MALRD1: variants seen among roughly 807,000 people sequenced by gnomAD.
The protein encoded by MALRD1 is MAM and LDL-receptor class A domain-containing protein 1.
A neutral mutation model predicts 242.1 loss-of-function variants in MALRD1; 247 were observed. The ratio of observed to expected loss-of-function variants is 1.02; its 90% CI spans 0.92 to 1.13. The LOEUF is 1.13. Among genes scored for constraint, MALRD1 ranks in the 50% most tolerant of loss-of-function variants. MALRD1 has a pLI of 0.00. For missense variants in MALRD1, 2,989 were observed against 2,533.1 expected (o/e 1.18, Z -3.86); for synonymous variants, 995 against 866.6 (o/e 1.15, Z -2.60).
At chr10:19,055,080 GATAAAAGCCATTCTAACAGATATGAGATT>G (rs1327471449) in intron 1 of MALRD1, among the ~76,000 whole-genome samples, 3 of 151,958 alleles carry the variant, frequency 2.0e-5, no homozygotes, top group African/African-American at 7.3e-5. Flanking sequence ...ATCTATTTTT[GATAAAAGCCATTCTAACAGATATGAGATT>G]ATATCTCATT....
At chr10:19,508,506 C>G (rs539460557) in intron 31 of MALRD1, among the ~76,000 whole-genome samples, 1 of 152,164 alleles carries the variant, frequency 6.6e-6, no homozygotes, top group Non-Finnish European at 1.5e-5. Context: ...TTCTCCTGAA[C>G]CTATACTGTC....
At chr10:19,639,189 T>C (rs1476386510) in intron 36 of MALRD1, among the ~76,000 whole-genome samples, 1 of 152,176 alleles carries the variant, frequency 6.6e-6, no homozygotes, top group Admixed American at 6.5e-5. Context: ...ATAGTCTTGA[T>C]CCAGAACTTT....
At chr10:19,176,366 C>CTTTTTTTTTTTTTTT (rs11443184) in intron 14 of MALRD1, among the ~76,000 whole-genome samples, 6 of 87,298 alleles carry the variant, frequency 6.9e-5, no homozygotes, top group Non-Finnish European at 1.2e-4. Flanking sequence ...TTTCTGGGTG[C>CTTTTTTTTTTTTTTT]TTTTTTTTTT....
chr10:19,591,048 A>G (rs751429813), intron 33 of MALRD1, among the ~76,000 whole-genome samples: 17 of 152,248 alleles, frequency 1.1e-4, no homozygotes, highest in Middle Eastern at 3.4e-3. Flanking sequence ...TGCTCTACCT[A>G]TTCATTCCTC....
intron 31 of MALRD1, among the ~76,000 whole-genome samples, chr10:19,512,125 T>C (rs894012871): frequency 6.6e-6 from 1 of 152,150 alleles, no homozygotes; most frequent in African/African-American, 2.4e-5. Flanking sequence ...GGGGCAGTCT[T>C]TCTCTAGTGT....
intron 32 of MALRD1, among the ~76,000 whole-genome samples, chr10:19,550,424 A>G (rs1446306054): frequency 6.6e-6 from 1 of 151,876 alleles, no homozygotes; most frequent in African/African-American, 2.4e-5. Context: ...TTTCTTTATT[A>G]TTTCATCACC....
chr10:19,152,643 A>T (rs1833985232), intron 11 of MALRD1, among the ~76,000 whole-genome samples: 1 of 152,168 alleles, frequency 6.6e-6, no homozygotes, highest in South Asian at 2.1e-4. Context: ...TACTGCTAAG[A>T]TAAGATAAGT....
chr10:19,351,979 A>T lies in MALRD1; in HGVS notation c.4150-27A>T, dbSNP rs1219450638. ...ATATTAATTATACTAATCATATCGT[A>T]TGTAATATTCCTATTCTTGATTACA... is the stretch of plus-strand genomic sequence containing the variant. On this transcript the variant is annotated intron_variant, in intron 25 of 39. Coordinates refer to ENST00000454679, the MANE Select transcript of MALRD1 (RefSeq NM_001142308.3). 3 of 1,480,914 alleles carry T rather than the reference A, an allele frequency of 2.0e-6. No individual in the cohort carries two copies. The Admixed American group carries it at 6.0e-5, about 30-fold the overall frequency. The allele number at this position is 1,480,914 out of a possible 1,614,324, so 91.7% of individuals were successfully genotyped here.
intron 18 of MALRD1, among the ~76,000 whole-genome samples, chr10:19,243,087 C>T (rs1577294): frequency 0.24 from 35,691 of 146,942 alleles, 4,577 homozygotes; most frequent in Admixed American, 0.35. Flanking sequence ...TGTGTGTATC[C>T]GCTGTAATTT....
intron 36 of MALRD1, among the ~76,000 whole-genome samples, chr10:19,656,485 C>G (rs1841156886): frequency 6.6e-6 from 1 of 151,980 alleles, no homozygotes; most frequent in Admixed American, 6.6e-5. Context: ...ATAATAAGGG[C>G]CAATTACTTC....
chr10:19,486,105 TG>T (rs1379902197), intron 29 of MALRD1, among the ~76,000 whole-genome samples: 13 of 151,636 alleles, frequency 8.6e-5, no homozygotes, highest in African/African-American at 2.4e-4. Context: ...AAGGAGAGAT[TG>T]TTTTTTTCTA....
intron 31 of MALRD1, among the ~76,000 whole-genome samples, chr10:19,530,386 A>AT: frequency 1.4e-5 from 1 of 70,910 alleles, no homozygotes; most frequent in East Asian, 3.8e-4. Context: ...TAAATATTAT[A>AT]TATTTATATA....
chr10:19,272,622 T>C (rs978172658), intron 19 of MALRD1, among the ~76,000 whole-genome samples: 1 of 152,186 alleles, frequency 6.6e-6, no homozygotes, highest in Non-Finnish European at 1.5e-5. Context: ...CCCATCAACC[T>C]TTCATCTAGG....
chr10:19,429,934 C>A (rs1230363759), intron 28 of MALRD1, among the ~76,000 whole-genome samples: 4 of 151,996 alleles, frequency 2.6e-5, no homozygotes, highest in African/African-American at 7.3e-5. Flanking sequence ...TTGTCATAGA[C>A]GCTTTCAGAA....
chr10:19,461,668 A>G (rs771174985), intron 29 of MALRD1, among the ~76,000 whole-genome samples: 1 of 115,960 alleles, frequency 8.6e-6, no homozygotes, highest in Non-Finnish European at 1.8e-5. Context: ...ACATAGTGAG[A>G]CCCCATCTCT....
chr10:19,393,693 T>C (rs1846446807), intron 28 of MALRD1, among the ~76,000 whole-genome samples: 1 of 151,540 alleles, frequency 6.6e-6, no homozygotes, highest in African/African-American at 2.4e-5. Flanking sequence ...CCTGACCTCG[T>C]GATCTGCCCA....
At chr10:19,636,142 A>G (rs1021422456) in intron 36 of MALRD1, among the ~76,000 whole-genome samples, 1 of 152,202 alleles carries the variant, frequency 6.6e-6, no homozygotes, top group African/African-American at 2.4e-5. Context: ...TAACAACTAC[A>G]TTGACCATGG....
At chr10:19,704,089 C>T (rs771227572) in intron 38 of MALRD1, among the ~76,000 whole-genome samples, 13 of 151,288 alleles carry the variant, frequency 8.6e-5, no homozygotes, top group Non-Finnish European at 1.5e-4. Flanking sequence ...AAGCATTGTA[C>T]TAATTTAGTA....
At chr10:19,151,775 G>A (rs768935153) in intron 11 of MALRD1, among the ~76,000 whole-genome samples, 76 of 152,232 alleles carry the variant, frequency 5.0e-4, no homozygotes, top group Non-Finnish European at 8.2e-4. Context: ...CATCTATTAT[G>A]ATATGATTGT....
Sources: gnomAD v4.1 joint callset for allele counts (sites outside exome capture counted in the v4.1 genomes callset) on GRCh38, gnomAD v4.1.1 for gene constraint, MANE v1.5 for transcripts, NCBI Gene and HGNC (gene_info 2026-07-23, HGNC 2026-07-21) for gene names.